Variants in METAP1D observed in about 807,000 individuals in gnomAD.
The protein encoded by METAP1D is methionyl aminopeptidase type 1D, mitochondrial.
In METAP1D, 31 loss-of-function variants were observed where a neutral mutation model predicts 40.5. The ratio of observed to expected loss-of-function variants is 0.77; its 90% CI spans 0.58 to 1.03. The LOEUF (loss-of-function observed/expected upper bound fraction) is 1.03, where lower values mean the gene tolerates loss of function less well. Among genes scored for constraint, METAP1D ranks in the 50% least tolerant of loss-of-function variants. METAP1D has a pLI of 0.00. For synonymous variants in METAP1D, 151 were observed against 146.4 expected (o/e 1.03, Z -0.22); for missense variants, 411 against 420.7 (o/e 0.98, Z 0.20).
chr2:172,034,976 G>T (rs1689334443), intron 1 of METAP1D, among the ~76,000 whole-genome samples: 1 of 146,820 alleles, frequency 6.8e-6, no homozygotes, highest in Non-Finnish European at 1.5e-5. Context: ...CTGATTGTTA[G>T]AATTTTTTTC....
At chr2:172,030,806 A>G (rs189440643) in intron 1 of METAP1D, among the ~76,000 whole-genome samples, 1 of 152,294 alleles carries the variant, frequency 6.6e-6, no homozygotes, top group East Asian at 1.9e-4. Context: ...TTGTATGTGA[A>G]CCAGTTGTTA....
At chr2:172,043,115 A>T (rs868195712) in intron 1 of METAP1D, among the ~76,000 whole-genome samples, 75,038 of 94,416 alleles carry the variant, frequency 0.79, 28,611 homozygotes, top group Middle Eastern at 0.86. Context: ...ATATATATAT[A>T]TATTTTTTGG....
intron 2 of METAP1D, 32 bp from the exon 3 acceptor site, chr2:172,063,679 C>G: frequency 1.3e-6 from 2 of 1,554,692 alleles, no homozygotes; most frequent in Non-Finnish European, 1.8e-6. Flanking sequence ...GCGCTGGGTT[C>G]TGATCTTCGT....
In METAP1D at chr2:172,080,801, G is replaced by T. The variant is rs705869; in HGVS notation, c.*395G>T. On this transcript the variant is annotated 3_prime_UTR_variant, in exon 10 of 10. Coordinates refer to ENST00000315796, the MANE Select transcript of METAP1D (RefSeq NM_199227.3). ...GGTCCTTACCTCTCTGACAGTTACA[G>T]TGATCTTTGTATCTGAACTTTGCAC... The T allele has an allele frequency of 1.2e-5, 3 of 254,204 alleles. No homozygotes were observed. Among genetic ancestry groups the T allele is most frequent in the African/African-American group, 6.8e-5 (3 of 44,114 alleles). The allele number at this position is 254,204 out of a possible 1,614,324, so 15.7% of individuals were successfully genotyped here. A position where few individuals can be genotyped will look rare whatever the true frequency, so the allele number is the denominator to read the frequency against.
intron 6 of METAP1D, among the ~76,000 whole-genome samples, chr2:172,076,316 C>T (rs1196713685): frequency 2.8e-5 from 4 of 140,952 alleles, no homozygotes; most frequent in Admixed American, 7.0e-5. Context: ...GAAACTGTTC[C>T]TGTAAAAAAA....
intron 1 of METAP1D, 24 bp downstream of exon 1, chr2:172,000,033 G>C: frequency 5.4e-6 from 7 of 1,303,966 alleles, no homozygotes; most frequent in African/African-American, 1.5e-5. Flanking sequence ...GGAGAGCCCC[G>C]TGAGGGTTCG....
In METAP1D at chr2:172,063,796, A is replaced by C; in HGVS notation, c.284A>C (p.Gln95Pro). ...SIEVKNEDQI[Q>P]GLHQACQLAR... ...GAAGTTAAGAATGAAGATCAGATTC[A>C]AGGGCTTCATCAGGCTTGTCAGCTG... Residue 95 changes from glutamine to proline, a missense_variant, in exon 3 of 10, where the codon CAA (glutamine) becomes CCA (proline). Gln to Pro is a moderately conservative substitution (Grantham distance 76). Transcript: ENST00000315796. 6.2e-7 allele frequency: 1 copy of C among 1,614,104 alleles called. No individual in the cohort carries two copies. The highest frequency in any genetic ancestry group is 1.7e-5 in the Admixed American group (1 of 60,024).
At chr2:172,002,656 G>C (rs1558989185) in intron 1 of METAP1D, among the ~76,000 whole-genome samples, 1 of 152,064 alleles carries the variant, frequency 6.6e-6, no homozygotes, top group South Asian at 2.1e-4. Flanking sequence ...ACTACCCATA[G>C]CTAGTTTTAA....
intron 1 of METAP1D, among the ~76,000 whole-genome samples, chr2:172,033,847 C>T (rs1444107723): frequency 2.0e-5 from 3 of 148,994 alleles, no homozygotes; most frequent in African/African-American, 2.5e-5. Flanking sequence ...GAGGCCGAGG[C>T]GGGGGGGATC....
At chr2:172,002,766 T>A (rs1404204050) in intron 1 of METAP1D, among the ~76,000 whole-genome samples, 1 of 152,174 alleles carries the variant, frequency 6.6e-6, no homozygotes, top group Non-Finnish European at 1.5e-5. Flanking sequence ...CTTTCACCCA[T>A]CTAGATTTAT....
rs1161147035 is a variant in METAP1D at position 172,071,033 on chromosome 2, GCAGGGGCTCCCTTCT to G, written c.669_683del (p.Gly224_Ser228del). 2.5e-6 allele frequency: 4 copies of G among 1,612,442 alleles called. No individual in the cohort carries two copies. In the African/African-American group the frequency reaches 4.0e-5, roughly 16 times the overall value. ...AGATGAAGCAATTGCAGCTTGCAGA[GCAGGGGCTCCCTTCT>G]CTGTAATTGGAAACACAATCAGGTA... On this transcript the variant is annotated inframe_deletion, in exon 6 of 10. Transcript: ENST00000315796.
At chr2:172,053,596 A>T (rs1689935333) in intron 1 of METAP1D, among the ~76,000 whole-genome samples, 1 of 152,242 alleles carries the variant, frequency 6.6e-6, no homozygotes, top group Admixed American at 6.5e-5. Context: ...AATTGCCTCC[A>T]TTTGTAAAAT....
intron 1 of METAP1D, among the ~76,000 whole-genome samples, chr2:172,032,356 T>C (rs982366905): frequency 6.6e-6 from 1 of 152,244 alleles, no homozygotes; most frequent in African/African-American, 2.4e-5. Flanking sequence ...TGAAATTATG[T>C]TTCACTTGAC....
chr2:172,040,501 G>A lies in METAP1D; in HGVS notation c.41-20997G>A, dbSNP rs984983938. On this transcript the variant is annotated intron_variant, in intron 1 of 9. Transcript: ENST00000315796. Reference sequence around the variant, plus strand: ...TCAGGAGAGCATTTGCCCCAAGGGAGCAATAGTGAGAGGATTCCCCACACT... The same window carrying A: ...TCAGGAGAGCATTTGCCCCAAGGGAACAATAGTGAGAGGATTCCCCACACT... Among the ~76,000 whole-genome samples the A allele has an allele frequency of 7.9e-5, 12 of 152,254 alleles. No homozygotes were observed. In the East Asian group the frequency reaches 1.5e-3, roughly 20 times the overall value.
Position 172,081,695 on chromosome 2 carries a change from A to G in METAP1D, c.*1289A>G, listed in dbSNP as rs1376377748. On this transcript the variant is annotated 3_prime_UTR_variant, in exon 10 of 10. Transcript: ENST00000315796. ...ACAAGTCCAACGAGGGTGTTCAAGC[A>G]GTTAATGGTTGTGCTAACTCTTGTT... is the stretch of plus-strand genomic sequence containing the variant. 6.6e-6 allele frequency: 1 copy of G among 152,282 alleles called. No homozygotes were observed. The highest frequency in any genetic ancestry group is 1.5e-5 in the Non-Finnish European group (1 of 68,064). 9.4% of individuals were successfully genotyped at this position (152,282 alleles called of 1,614,324 possible). A position where few individuals can be genotyped will look rare whatever the true frequency, so the allele number is the denominator to read the frequency against.
intron 1 of METAP1D, among the ~76,000 whole-genome samples, chr2:172,014,294 TAGAGAC>T (rs1454290264): frequency 7.2e-5 from 11 of 152,054 alleles, no homozygotes; most frequent in Middle Eastern, 3.4e-3. Context: ...GTATTTTTAA[TAGAGAC>T]AGGGTTTCAC....
rs1482290895 is a variant in METAP1D, at chr2:172,044,417, A to AC, written c.41-17081_41-17080insC. Among the ~76,000 whole-genome samples the AC allele has an allele frequency of 1.6e-5, 2 of 126,118 alleles. 1 individual carries two copies. Among genetic ancestry groups the AC allele is most frequent in the African/African-American group, 5.2e-5 (2 of 38,222 alleles). 82.7% of individuals were successfully genotyped at this position (126,118 alleles called of 152,430 possible). A position where few individuals can be genotyped will look rare whatever the true frequency, so the allele number is the denominator to read the frequency against. On this transcript the variant is annotated intron_variant, in intron 1 of 9. Transcript: ENST00000315796. ...CTCTTAAAAATACAAAAAAAAAAAA[A>AC]AAAAAAAAACCCAAAACAAACAAAA...
chr2:172,009,462 C>T (rs978743668), intron 1 of METAP1D, among the ~76,000 whole-genome samples: 12 of 147,842 alleles, frequency 8.1e-5, no homozygotes, highest in Non-Finnish European at 1.8e-4. Flanking sequence ...ATTTTTGTTT[C>T]GGGTCATTAT....
At chr2:172,040,978 G>A (rs1689507948) in intron 1 of METAP1D, among the ~76,000 whole-genome samples, 1 of 151,752 alleles carries the variant, frequency 6.6e-6, no homozygotes, top group African/African-American at 2.4e-5. Flanking sequence ...ATGATGGCCA[G>A]GATGGTCTCA....
Sources: gnomAD v4.1 joint callset for allele counts (sites outside exome capture counted in the v4.1 genomes callset) on GRCh38, gnomAD v4.1.1 for gene constraint, MANE v1.5 for transcripts, NCBI Gene and HGNC (gene_info 2026-07-23, HGNC 2026-07-21) for gene names.